GALNT8: variants seen among roughly 807,000 people sequenced by gnomAD.
GALNT8 encodes the protein polypeptide N-acetylgalactosaminyltransferase 8.
Under a neutral mutation model 62.7 loss-of-function variants are expected in GALNT8, and 66 were observed. That is an observed-to-expected ratio of 1.05 (90% CI 0.86 to 1.29). GALNT8 has a LOEUF of 1.29. Ranked by LOEUF, GALNT8 falls within the 50% of genes most tolerant of loss-of-function variation. GALNT8 has a pLI of 0.00. For synonymous variants in GALNT8, 288 were observed against 294.3 expected (o/e 0.98, Z 0.22); for missense variants, 771 against 791.8 (o/e 0.97, Z 0.32).
intron 6 of GALNT8, among the ~76,000 whole-genome samples, chr12:4,758,271 G>A (rs1390217343): frequency 6.6e-6 from 1 of 152,026 alleles, no homozygotes; most frequent in East Asian, 1.9e-4. Flanking sequence ...GAGCTGCATG[G>A]AGTGCTTTAT....
At chr12:4,742,803 A>G (rs537517234) in intron 3 of GALNT8, among the ~76,000 whole-genome samples, 1 of 152,276 alleles carries the variant, frequency 6.6e-6, no homozygotes, top group South Asian at 2.1e-4. Context: ...CCCTGAGCTG[A>G]CCAGCCTGGG....
chr12:4,753,890 TA>T (rs1159914332), intron 6 of GALNT8, among the ~76,000 whole-genome samples: 2 of 152,188 alleles, frequency 1.3e-5, no homozygotes, highest in Non-Finnish European at 2.9e-5. Context: ...GTACCTGCTT[TA>T]GGGGGCACCC....
intron 4 of GALNT8, 75 bp downstream of exon 4, chr12:4,744,775 G>T (rs916417331): frequency 6.1e-5 from 59 of 970,378 alleles, no homozygotes; most frequent in Non-Finnish European, 8.7e-5. Flanking sequence ...CACAAGACAG[G>T]ATACTGTGGA....
chr12:4,754,742 G>A (rs1466902665), intron 6 of GALNT8, among the ~76,000 whole-genome samples: 1 of 152,062 alleles, frequency 6.6e-6, no homozygotes, highest in African/African-American at 2.4e-5. Context: ...ACTTACCCAC[G>A]GCCCTCAATG....
At chr12:4,729,205 G>A (rs1486045465) in intron 2 of GALNT8, among the ~76,000 whole-genome samples, 1 of 152,122 alleles carries the variant, frequency 6.6e-6, no homozygotes, top group Non-Finnish European at 1.5e-5. Context: ...GTTTTGAAAT[G>A]TATACACATC....
chr12:4,729,467 C>T (rs1441451132), intron 2 of GALNT8, among the ~76,000 whole-genome samples: 2 of 152,146 alleles, frequency 1.3e-5, no homozygotes, highest in Non-Finnish European at 2.9e-5. Flanking sequence ...AACCACCTTT[C>T]ATTCTACTCT....
intron 6 of GALNT8, among the ~76,000 whole-genome samples, chr12:4,755,455 A>T (rs1946340336): frequency 6.6e-6 from 1 of 152,218 alleles, no homozygotes; most frequent in South Asian, 2.1e-4. Flanking sequence ...ACCATGCTGC[A>T]GCTACTGGGG....
chr12:4,726,807 A>G lies in GALNT8; in HGVS notation c.487A>G (p.Ile163Val). 6.2e-7 allele frequency: 1 copy of G among 1,613,322 alleles called. No individual in the cohort carries two copies. Among genetic ancestry groups the G allele is most frequent in the Middle Eastern group, 1.7e-4 (1 of 6,058 alleles). ...CAACCAGCTGCCTCTCAATCGCACCATCCCCGACACGCGAGACTACAGGTG... is the reference window on the plus strand; with the variant it reads ...CAACCAGCTGCCTCTCAATCGCACCGTCCCCGACACGCGAGACTACAGGTG... ...LSNQLPLNRT[I>V]PDTRDYRCLR... The change falls in exon 2 of 11, where the codon ATC becomes GTC. Residue 163 changes from isoleucine to valine, a missense_variant. Ile to Val is a conservative substitution (Grantham distance 29). Coordinates refer to ENST00000252318, the MANE Select transcript of GALNT8 (RefSeq NM_017417.2). The surrounding 1 kb of genome is among the most constrained non-coding windows in gnomAD (Gnocchi z 4.1).
chr12:4,759,075 C>T (rs1226534317), intron 6 of GALNT8, among the ~76,000 whole-genome samples: 1 of 152,160 alleles, frequency 6.6e-6, no homozygotes, highest in Non-Finnish European at 1.5e-5. Flanking sequence ...CACACCTGGC[C>T]TCAGCAATCT....
At chr12:4,735,523 C>G (rs539866588) in intron 2 of GALNT8, among the ~76,000 whole-genome samples, 82 of 152,314 alleles carry the variant, frequency 5.4e-4, no homozygotes, top group African/African-American at 1.9e-3. Flanking sequence ...CCTTCCTCCA[C>G]TAGGAATGCA....
chr12:4,737,841 C>A lies in GALNT8; in HGVS notation c.510-1322C>A, dbSNP rs184805573. Among the ~76,000 whole-genome samples the A allele has an allele frequency of 1.6e-3, 243 of 152,204 alleles. 1 individual carries two copies. The highest frequency in any genetic ancestry group is 5.7e-3 in the African/African-American group (236 of 41,442). The stretch of plus-strand genomic sequence containing the variant: ...TGTTCATTCTGCTGTGTGATACCTT[C>A]TGCCATGTTATAATGCAGCATGAAG... On this transcript the variant is annotated intron_variant, in intron 2 of 10. Coordinates refer to ENST00000252318, the MANE Select transcript of GALNT8 (RefSeq NM_017417.2).
Position 4,739,287 on chromosome 12 carries a change from T to C in GALNT8, c.634T>C (p.Leu212=), listed in dbSNP as rs369860277. 4 of 1,613,856 alleles carry C rather than the reference T, an allele frequency of 2.5e-6. No homozygotes were observed. Among genetic ancestry groups the C allele is most frequent in the East Asian group, 2.2e-5 (1 of 44,876 alleles). The change falls in exon 3 of 11, where the codon TTG becomes CTG. Residue 212 remains leucine, a synonymous_variant. Coordinates refer to ENST00000252318, the MANE Select transcript of GALNT8 (RefSeq NM_017417.2). The part of the protein sequence containing the change: ...TSIINRTPSR[L]LKEIILVDDF... Reference sequence around the variant, plus strand: ...TATCATCAACCGGACGCCCTCTCGATTGTTGAAGGAAATCATCTTGGTGGA... The same window carrying C: ...TATCATCAACCGGACGCCCTCTCGACTGTTGAAGGAAATCATCTTGGTGGA...
chr12:4,766,768 A>G (rs1946401894), intron 10 of GALNT8, among the ~76,000 whole-genome samples: 1 of 151,998 alleles, frequency 6.6e-6, no homozygotes, highest in Non-Finnish European at 1.5e-5. Flanking sequence ...ATGCGGTACT[A>G]TGCTTGGTTC....
chr12:4,741,926 A>C (rs1276756618), intron 3 of GALNT8, among the ~76,000 whole-genome samples: 1 of 152,190 alleles, frequency 6.6e-6, no homozygotes, highest in African/African-American at 2.4e-5. Context: ...AGCCAAATTG[A>C]GCCTACACTG....
intron 1 of GALNT8, among the ~76,000 whole-genome samples, chr12:4,725,479 C>G (rs1946190587): frequency 6.6e-6 from 1 of 151,606 alleles, no homozygotes. Context: ...TTCTCAGGCT[C>G]TACCCCAGAA....
intron 2 of GALNT8, among the ~76,000 whole-genome samples, chr12:4,734,517 G>A (rs1333068845): frequency 2.0e-5 from 3 of 152,112 alleles, no homozygotes; most frequent in Non-Finnish European, 4.4e-5. Context: ...TAATGAATGA[G>A]ATGAGGAAAT....
Position 4,739,263 on chromosome 12 carries a change from A to G in GALNT8, c.610A>G (p.Ile204Val), listed in dbSNP as rs115397261. 2.8e-4 allele frequency: 449 copies of G among 1,613,680 alleles called. No individual in the cohort carries two copies. In the African/African-American group the frequency reaches 4.8e-3, roughly 17 times the overall value. Residue 204 changes from isoleucine (I) to valine (V), a missense_variant, in exon 3 of 11, where the codon ATC becomes GTC. Transcript: ENST00000252318. ...CATTATACAACGGGCCATCACCAGT[A>G]TCATCAACCGGACGCCCTCTCGATT... Reference protein sequence around the residue: ...LSIIQRAITSIINRTPSRLLK... With the variant: ...LSIIQRAITSVINRTPSRLLK...
At chr12:4,736,922 T>G (rs761934038) in intron 2 of GALNT8, among the ~76,000 whole-genome samples, 2 of 152,194 alleles carry the variant, frequency 1.3e-5, no homozygotes, top group African/African-American at 2.4e-5. Context: ...GACATCATTA[T>G]AAATATATTC....
In GALNT8 at chr12:4,765,405, G is replaced by T; in HGVS notation, c.1620G>T (p.Glu540Asp). 1 of 1,484,358 alleles carries T rather than the reference G, an allele frequency of 6.7e-7. No homozygotes were observed. The highest frequency in any genetic ancestry group is 2.3e-5 in the East Asian group (1 of 43,628). The allele number at this position is 1,484,358 out of a possible 1,614,324, so 91.9% of individuals were successfully genotyped here. A position where few individuals can be genotyped will look rare whatever the true frequency, so the allele number is the denominator to read the frequency against. ...SQNVYYHLTG[E>D]LYVGQLIAEA... ...ATGTCTACTATCACCTAACTGGGGA[G>T]CTCTATGTGGGACAACTGATTGCAG... The change falls in exon 10 of 11, where the codon GAG becomes GAT. Residue 540 changes from glutamate to aspartate, a missense_variant. Coordinates refer to ENST00000252318, the MANE Select transcript of GALNT8 (RefSeq NM_017417.2).
Sources: allele counts gnomAD v4.1 joint callset (sites outside exome capture counted in the v4.1 genomes callset), GRCh38; gene constraint gnomAD v4.1.1; non-coding constraint Gnocchi (gnomAD v3.1); transcripts MANE v1.5; gene names NCBI Gene and HGNC (gene_info 2026-07-23, HGNC 2026-07-21).